Variants in CSMD1 observed in about 807,000 individuals in gnomAD.
The protein encoded by CSMD1 is CUB and Sushi multiple domains 1, also known as CUB and sushi domain-containing protein 1.
Under a neutral mutation model 417.5 loss-of-function variants are expected in CSMD1, and 213 were observed. The observed-to-expected ratio is 0.51, with a 90% CI of 0.46 to 0.57. The LOEUF is 0.57. CSMD1 is among the 20% of genes least tolerant of loss of function. The probability of loss-of-function intolerance (pLI) is 0.00; values close to 1 mark genes in which losing one functional copy is unlikely to be tolerated. For synonymous variants in CSMD1, 2,862 were observed against 1,736.8 expected, an observed-to-expected ratio of 1.65 and a Z score of -16.11; for missense variants, 6,923 against 4,529.7, an observed-to-expected ratio of 1.53 and a Z score of -15.17.
chr8:4,380,863 T>A (rs932035568), intron 3 of CSMD1, among the ~76,000 whole-genome samples: 1 of 152,202 alleles, frequency 6.6e-6, no homozygotes, highest in Non-Finnish European at 1.5e-5. Flanking sequence ...TTTATTAGTA[T>A]ATTACTATAC....
At chr8:3,485,702 G>A (rs941103957) in intron 11 of CSMD1, among the ~76,000 whole-genome samples, 2 of 151,666 alleles carry the variant, frequency 1.3e-5, no homozygotes, top group Non-Finnish European at 2.9e-5. Flanking sequence ...AGCAGTTGCA[G>A]TGAGTTGAGA....
At chr8:3,954,425 G>C (rs897939108) in intron 5 of CSMD1, among the ~76,000 whole-genome samples, 6 of 152,114 alleles carry the variant, frequency 3.9e-5, no homozygotes, top group Non-Finnish European at 7.4e-5. Context: ...TGCAGTGGCG[G>C]TGGTGATCTC....
intron 2 of CSMD1, among the ~76,000 whole-genome samples, chr8:4,429,825 T>G (rs1234443302): frequency 6.6e-6 from 1 of 151,502 alleles, no homozygotes; most frequent in Admixed American, 6.6e-5. Context: ...CAGGATCTCA[T>G]TGGCTCGGGA....
chr8:3,460,788 G>C (rs985290660), intron 12 of CSMD1, among the ~76,000 whole-genome samples: 1 of 152,082 alleles, frequency 6.6e-6, no homozygotes, highest in African/African-American at 2.4e-5. Flanking sequence ...TATTTTCCCC[G>C]GCTGCTAGAC....
chr8:4,464,114 C>G (rs1470550627), intron 2 of CSMD1, among the ~76,000 whole-genome samples: 1 of 151,780 alleles, frequency 6.6e-6, no homozygotes, highest in African/African-American at 2.4e-5. Flanking sequence ...TGAGATAGAG[C>G]TCAGAACCTT....
At chr8:4,149,047 T>C (rs911067050) in intron 3 of CSMD1, among the ~76,000 whole-genome samples, 1 of 151,664 alleles carries the variant, frequency 6.6e-6, no homozygotes, top group African/African-American at 2.4e-5. Flanking sequence ...CACTGCAACC[T>C]CCACCTCCCA....
intron 25 of CSMD1, among the ~76,000 whole-genome samples, chr8:3,294,555 G>T (rs1200209451): frequency 7.2e-5 from 8 of 111,120 alleles, no homozygotes; most frequent in African/African-American, 2.0e-4. Context: ...CTGCAGCCTT[G>T]CAGTTTGATC....
chr8:4,621,245 A>T (rs1441914074), intron 2 of CSMD1, among the ~76,000 whole-genome samples: 1 of 152,142 alleles, frequency 6.6e-6, no homozygotes, highest in Non-Finnish European at 1.5e-5. Flanking sequence ...TTTCATGTAC[A>T]TCTTATATAC....
intron 18 of CSMD1, among the ~76,000 whole-genome samples, chr8:3,380,058 C>A (rs1166666742): frequency 1.3e-5 from 2 of 152,040 alleles, no homozygotes; most frequent in Non-Finnish European, 2.9e-5. Context: ...AAAAAACAAC[C>A]CCATCAAAAA....
chr8:3,379,209 C>G (rs1273605868), intron 18 of CSMD1, among the ~76,000 whole-genome samples: 1 of 152,114 alleles, frequency 6.6e-6, no homozygotes, highest in Non-Finnish European at 1.5e-5. Context: ...AGGATCTCTT[C>G]AAGGAGAACT....
At chr8:4,295,116 A>ACATATAATCTTAAGATTACG (rs1797589783) in intron 3 of CSMD1, among the ~76,000 whole-genome samples, 2 of 82,724 alleles carry the variant, frequency 2.4e-5, no homozygotes, top group African/African-American at 6.6e-5. Context: ...TTAAGATTAC[A>ACATATAATCTTAAGATTACG]CACATATAAT....
chr8:3,308,226 T>A, intron 24 of CSMD1, 86 bp downstream of exon 24: 4 of 1,046,678 alleles, frequency 3.8e-6, no homozygotes, highest in Non-Finnish European at 5.6e-6. Context: ...TTCCTCCTCT[T>A]TTCCAATAAA....
At chr8:4,829,389 G>C (rs1175140263) in intron 1 of CSMD1, among the ~76,000 whole-genome samples, 3 of 152,128 alleles carry the variant, frequency 2.0e-5, no homozygotes, top group Non-Finnish European at 4.4e-5. Context: ...AAAACGTAGA[G>C]ATACAAAGAT....
chr8:3,307,090 A>G (rs57345369), intron 25 of CSMD1, among the ~76,000 whole-genome samples: 2,741 of 152,236 alleles, frequency 0.018, 86 homozygotes, highest in African/African-American at 0.062. Context: ...TTAAAATATG[A>G]CTTTGCTTCT....
chr8:3,758,659 G>C (rs767779789), intron 5 of CSMD1, among the ~76,000 whole-genome samples: 5 of 152,178 alleles, frequency 3.3e-5, no homozygotes, highest in African/African-American at 9.7e-5. Context: ...TGGTGTTTCA[G>C]TTGAGATTTA....
At chr8:4,079,152 A>T (rs1799991864) in intron 3 of CSMD1, among the ~76,000 whole-genome samples, 1 of 151,944 alleles carries the variant, frequency 6.6e-6, no homozygotes, top group Non-Finnish European at 1.5e-5. Context: ...TATAAAAGAG[A>T]AAAAGACACA....
At chr8:3,955,441 T>A (rs2627506) in intron 5 of CSMD1, among the ~76,000 whole-genome samples, 1 of 152,110 alleles carries the variant, frequency 6.6e-6, no homozygotes, top group East Asian at 1.9e-4. Context: ...TAAACCAGAA[T>A]GAAAAAATGT....
At chr8:3,342,705 G>A (rs1041315239) in intron 23 of CSMD1, among the ~76,000 whole-genome samples, 1 of 152,032 alleles carries the variant, frequency 6.6e-6, no homozygotes, top group Non-Finnish European at 1.5e-5. Flanking sequence ...CCGATAACTG[G>A]GAGCTACAGC....
At chr8:3,058,378 A>G (rs1168956856) in intron 49 of CSMD1, among the ~76,000 whole-genome samples, 1 of 152,220 alleles carries the variant, frequency 6.6e-6, no homozygotes, top group Admixed American at 6.5e-5. Flanking sequence ...ATTTGTGGGT[A>G]GACAGTAAAT....
Sources: allele counts gnomAD v4.1 joint callset (sites outside exome capture counted in the v4.1 genomes callset), GRCh38; gene constraint gnomAD v4.1.1; transcripts MANE v1.5; gene names NCBI Gene and HGNC (gene_info 2026-07-23, HGNC 2026-07-21).